The following SPAG16 variants were observed in gnomAD, a reference collection of about 807,000 sequenced individuals.
The protein encoded by SPAG16 is sperm associated antigen 16.
Under a neutral mutation model 80.4 loss-of-function variants are expected in SPAG16, and 86 were observed. The observed-to-expected ratio is 1.07, with a 90% CI of 0.90 to 1.28. The LOEUF is 1.28. Ranked by LOEUF, SPAG16 falls within the 50% of genes most tolerant of loss-of-function variation. The pLI is 0.00. For missense variants in SPAG16, 870 were observed against 765.3 expected (o/e 1.14, Z -1.61); for synonymous variants, 294 against 265.9 (o/e 1.11, Z -1.03).
intron 13 of SPAG16, among the ~76,000 whole-genome samples, chr2:214,038,746 T>C (rs534309141): frequency 1.4e-5 from 2 of 144,440 alleles, no homozygotes; most frequent in Non-Finnish European, 3.0e-5. Flanking sequence ...CCTGTGTCCA[T>C]GTGTTCTCAT....
intron 6 of SPAG16, among the ~76,000 whole-genome samples, chr2:213,341,734 T>A (rs1334311224): frequency 6.6e-6 from 1 of 151,990 alleles, no homozygotes; most frequent in East Asian, 1.9e-4. Flanking sequence ...GTGATGGGGG[T>A]CTCACTTTGT....
chr2:213,860,956 C>T (rs1338350680), intron 10 of SPAG16, among the ~76,000 whole-genome samples: 3 of 152,020 alleles, frequency 2.0e-5, no homozygotes, highest in African/African-American at 2.4e-5. Flanking sequence ...CATTTTTTAC[C>T]TCTCATCATA....
At chr2:214,214,371 T>C (rs1310590804) in intron 15 of SPAG16, among the ~76,000 whole-genome samples, 64 of 152,140 alleles carry the variant, frequency 4.2e-4, no homozygotes, top group South Asian at 4.1e-4. Context: ...GATTTCACCA[T>C]GTTGGCCAGG....
intron 9 of SPAG16, among the ~76,000 whole-genome samples, chr2:213,433,620 A>G (rs185303481): frequency 1.8e-4 from 27 of 152,306 alleles, no homozygotes; most frequent in Non-Finnish European, 3.2e-4. Flanking sequence ...AAATGGAAAA[A>G]CATCCCATGC....
At chr2:213,432,148 C>T (rs551761414) in intron 9 of SPAG16, among the ~76,000 whole-genome samples, 2 of 152,074 alleles carry the variant, frequency 1.3e-5, no homozygotes, top group South Asian at 4.1e-4. Context: ...GAAGAAAGAT[C>T]ACAAAATAAC....
intron 10 of SPAG16, among the ~76,000 whole-genome samples, chr2:213,747,203 A>G (rs2125474145): frequency 6.6e-6 from 1 of 152,358 alleles, no homozygotes; most frequent in South Asian, 2.1e-4. Flanking sequence ...TAAAAATACA[A>G]AAAGTCTTAT....
intron 15 of SPAG16, among the ~76,000 whole-genome samples, chr2:214,153,939 C>G (rs1222902687): frequency 6.6e-6 from 1 of 151,992 alleles, no homozygotes; most frequent in Non-Finnish European, 1.5e-5. Context: ...TTGCTTGTGA[C>G]AAACACAGAT....
chr2:213,896,096 C>T (rs551094682), intron 11 of SPAG16, among the ~76,000 whole-genome samples: 5 of 152,016 alleles, frequency 3.3e-5, no homozygotes, highest in Non-Finnish European at 7.4e-5. Flanking sequence ...TCAAACAACT[C>T]AATAGCAAAT....
At chr2:213,355,369 A>T (rs767706650) in intron 7 of SPAG16, among the ~76,000 whole-genome samples, 1 of 82,098 alleles carries the variant, frequency 1.2e-5, no homozygotes, top group Non-Finnish European at 2.7e-5. Context: ...TTCCATATGA[A>T]CTTTAAAGTA....
chr2:213,313,912 A>T (rs1336025632), intron 4 of SPAG16, among the ~76,000 whole-genome samples: 1 of 151,886 alleles, frequency 6.6e-6, no homozygotes, highest in Non-Finnish European at 1.5e-5. Context: ...TTATGAAAAC[A>T]TGGAGGAAAA....
chr2:214,218,794 A>G (rs2058494665), intron 15 of SPAG16, among the ~76,000 whole-genome samples: 1 of 152,214 alleles, frequency 6.6e-6, no homozygotes, highest in Non-Finnish European at 1.5e-5. Context: ...TGGCAAAGCT[A>G]GTGGGTAAAT....
intron 15 of SPAG16, among the ~76,000 whole-genome samples, chr2:214,175,478 C>T (rs2057048480): frequency 1.3e-5 from 2 of 151,098 alleles, no homozygotes; most frequent in Non-Finnish European, 1.5e-5. Flanking sequence ...TTATTCCATT[C>T]AAGATTTGAA....
chr2:213,623,960 AAATT>A (rs142337422), intron 10 of SPAG16, among the ~76,000 whole-genome samples: 1,979 of 152,236 alleles, frequency 0.013, 17 homozygotes, highest in South Asian at 0.036. Context: ...ACAATGTAAT[AAATT>A]AATTAAGTTA....
intron 15 of SPAG16, among the ~76,000 whole-genome samples, chr2:214,169,553 A>G (rs1029838114): frequency 6.6e-6 from 1 of 152,024 alleles, no homozygotes; most frequent in Non-Finnish European, 1.5e-5. Flanking sequence ...ATTCTCTCCA[A>G]TATTTTTGGA....
At chr2:214,310,178 T>G (rs1014392322) in intron 15 of SPAG16, among the ~76,000 whole-genome samples, 1 of 150,614 alleles carries the variant, frequency 6.6e-6, no homozygotes, top group Admixed American at 6.6e-5. Flanking sequence ...TTTTTTTTTT[T>G]GAAATTGCTA....
At chr2:213,860,942 C>A (rs2075428837) in intron 10 of SPAG16, among the ~76,000 whole-genome samples, 1 of 152,136 alleles carries the variant, frequency 6.6e-6, no homozygotes, top group Admixed American at 6.6e-5. Context: ...TCATTTTAAT[C>A]TGACATTTTT....
chr2:213,888,268 C>G (rs888652491), intron 11 of SPAG16, among the ~76,000 whole-genome samples: 7 of 151,602 alleles, frequency 4.6e-5, no homozygotes, highest in African/African-American at 1.7e-4. Flanking sequence ...GACAAAGCTC[C>G]TGTTTATAAG....
intron 13 of SPAG16, among the ~76,000 whole-genome samples, chr2:214,018,621 C>T (rs949552377): frequency 1.3e-5 from 2 of 152,038 alleles, no homozygotes; most frequent in Admixed American, 6.6e-5. Context: ...TTCCTTGATA[C>T]ATGATAAATT....
intron 11 of SPAG16, among the ~76,000 whole-genome samples, chr2:213,873,220 T>C (rs1383740379): frequency 6.6e-6 from 1 of 152,064 alleles, no homozygotes; most frequent in Non-Finnish European, 1.5e-5. Context: ...TTTTGATTAC[T>C]GATTCAAGTA....
Sources: gnomAD v4.1 joint callset for allele counts (sites outside exome capture counted in the v4.1 genomes callset) on GRCh38, gnomAD v4.1.1 for gene constraint, MANE v1.5 for transcripts, NCBI Gene and HGNC (gene_info 2026-07-23, HGNC 2026-07-21) for gene names.